The following ANGPTL5 variants were observed in gnomAD, a reference collection of about 807,000 sequenced individuals.
ANGPTL5 encodes the protein angiopoietin-related protein 5.
A neutral mutation model predicts 39.4 loss-of-function variants in ANGPTL5; 34 were observed. The ratio of observed to expected loss-of-function variants is 0.86; its 90% CI spans 0.66 to 1.15. ANGPTL5 has a LOEUF of 1.15. ANGPTL5 is among the 50% of genes most tolerant of loss of function. The pLI is 0.00. For synonymous variants in ANGPTL5, 146 were observed against 152.1 expected, an observed-to-expected ratio of 0.96 and a Z score of 0.29; for missense variants, 467 against 457.5, an observed-to-expected ratio of 1.02 and a Z score of -0.19.
rs1939689070 is a variant in ANGPTL5, at chr11:101,891,347, T to G, written c.1099A>C (p.Asn367His). The G allele has an allele frequency of 6.2e-7, 1 of 1,613,954 alleles. No homozygotes were observed. Among genetic ancestry groups the G allele is most frequent in the Non-Finnish European group, 8.5e-7 (1 of 1,179,984 alleles). The change falls in exon 9 of 9, where the codon AAC (asparagine) becomes CAC (histidine). Residue 367 changes from asparagine (N) to histidine (H), a missense_variant. Transcript: ENST00000334289. ...GIQWGTWTKN[N>H]SPVKIKSVSM... ...ACAGATTTAATCTTGACAGGTGAGT[T>G]GTTTTTGGTCCACGTGCCCCATTGA... is the stretch of plus-strand genomic sequence containing the variant.
rs866657037 is a variant in ANGPTL5, at chr11:101,916,146, C to T, written c.-220G>A. The T allele has an allele frequency of 1.3e-5, 2 of 152,124 alleles. No individual in the cohort carries two copies. The highest frequency in any genetic ancestry group is 4.8e-5 in the African/African-American group (2 of 41,406). 9.4% of individuals were successfully genotyped at this position (152,124 alleles called of 1,614,324 possible). A position where few individuals can be genotyped will look rare whatever the true frequency, so the allele number is the denominator to read the frequency against. Reference sequence around the variant, plus strand: ...TGATTAGGATTTAACCTTTGTATTCCCAAAGGACTTGGTTGGCAATGATGG... The same window carrying T: ...TGATTAGGATTTAACCTTTGTATTCTCAAAGGACTTGGTTGGCAATGATGG... On this transcript the variant is annotated 5_prime_UTR_variant, in exon 1 of 9. Coordinates refer to ENST00000334289, the MANE Select transcript of ANGPTL5 (RefSeq NM_178127.5).
chr11:101,892,673 A>G (rs1473983482), intron 8 of ANGPTL5, among the ~76,000 whole-genome samples: 2 of 152,222 alleles, frequency 1.3e-5, no homozygotes, highest in Non-Finnish European at 2.9e-5. Flanking sequence ...TAAAGATTCT[A>G]AGTAAACCCA....
At chr11:101,904,002 T>C (rs1435185295) in intron 5 of ANGPTL5, among the ~76,000 whole-genome samples, 1 of 152,110 alleles carries the variant, frequency 6.6e-6, no homozygotes, top group African/African-American at 2.4e-5. Context: ...AGTTTACTGA[T>C]GAGAAAACAT....
At chr11:101,902,533 A>C in intron 6 of ANGPTL5, 88 bp downstream of exon 6, 1 of 1,061,858 alleles carries the variant, frequency 9.4e-7, no homozygotes. Context: ...TTAAATATTA[A>C]AACAATTTAA....
At chr11:101,906,662 C>T (rs1940002025) in intron 3 of ANGPTL5, among the ~76,000 whole-genome samples, 1 of 152,102 alleles carries the variant, frequency 6.6e-6, no homozygotes, top group Non-Finnish European at 1.5e-5. Context: ...AGGGCCCACA[C>T]ACTATTACGT....
chr11:101,914,515 AAGG>A (rs1411730210), intron 1 of ANGPTL5, among the ~76,000 whole-genome samples: 2 of 152,214 alleles, frequency 1.3e-5, no homozygotes, highest in Non-Finnish European at 2.9e-5. Flanking sequence ...GGGCAAAGGC[AAGG>A]AAGACGACTG....
chr11:101,902,508 T>A (rs1939922059), intron 6 of ANGPTL5, 113 bp downstream of exon 6: 9 of 945,874 alleles, frequency 9.5e-6, no homozygotes, highest in Non-Finnish European at 1.4e-5. Context: ...TTATTTAAAA[T>A]TTTTTGAGGA....
intron 2 of ANGPTL5, 134 bp downstream of exon 2, chr11:101,907,680 C>T (rs1283585035): frequency 1.7e-5 from 11 of 661,080 alleles, no homozygotes; most frequent in Admixed American, 5.7e-5. Flanking sequence ...CAATTTTCAA[C>T]ATTTCTAAAT....
intron 8 of ANGPTL5, among the ~76,000 whole-genome samples, chr11:101,893,083 G>A (rs1247485638): frequency 3.9e-5 from 6 of 152,104 alleles, no homozygotes; most frequent in African/African-American, 9.7e-5. Flanking sequence ...GATAAAGTCC[G>A]ACCACCAGAA....
At chr11:101,913,099 T>A (rs1485490263) in intron 1 of ANGPTL5, among the ~76,000 whole-genome samples, 1 of 152,212 alleles carries the variant, frequency 6.6e-6, no homozygotes, top group Non-Finnish European at 1.5e-5. Context: ...ACTGACCCTC[T>A]GTTCCATAAG....
At chr11:101,915,184 G>A in intron 1 of ANGPTL5, 1 of 1,534,462 alleles carries the variant, frequency 6.5e-7, no homozygotes, top group South Asian at 1.2e-5. Context: ...CGGGGCCTGA[G>A]AGACGGAGTG....
At chr11:101,905,711 T>C (rs149914468) in intron 4 of ANGPTL5, 33 bp downstream of exon 4, 80 of 1,406,614 alleles carry the variant, frequency 5.7e-5, no homozygotes, top group Admixed American at 3.9e-4. Context: ...AACGTGTACA[T>C]GCAATAACAA....
chr11:101,895,549 A>G (rs543119738), intron 7 of ANGPTL5, among the ~76,000 whole-genome samples: 62 of 152,316 alleles, frequency 4.1e-4, no homozygotes, highest in African/African-American at 1.4e-3. Flanking sequence ...CTCAGTTGAA[A>G]TTATTTTTTT....
At chr11:101,915,573 C>G (rs1940191759) in intron 1 of ANGPTL5, among the ~76,000 whole-genome samples, 1 of 152,122 alleles carries the variant, frequency 6.6e-6, no homozygotes, top group Non-Finnish European at 1.5e-5. Context: ...CACCTTAGAC[C>G]TGAAATTATA....
intron 1 of ANGPTL5, among the ~76,000 whole-genome samples, chr11:101,913,662 G>A (rs1940132079): frequency 1.3e-5 from 2 of 152,216 alleles, no homozygotes; most frequent in South Asian, 4.1e-4. Flanking sequence ...AGATGCCTAG[G>A]ACTTACGAGA....
chr11:101,894,480 T>G (rs558980516), intron 8 of ANGPTL5, among the ~76,000 whole-genome samples: 1 of 152,204 alleles, frequency 6.6e-6, no homozygotes, highest in Non-Finnish European at 1.5e-5. Flanking sequence ...TCTGGGAACG[T>G]TGGGCAAGTC....
intron 6 of ANGPTL5, among the ~76,000 whole-genome samples, chr11:101,901,098 C>T (rs1262610563): frequency 1.4e-5 from 2 of 146,878 alleles, no homozygotes; most frequent in African/African-American, 2.5e-5. Flanking sequence ...AGGATGGTCT[C>T]GATCTCCTGA....
intron 7 of ANGPTL5, among the ~76,000 whole-genome samples, chr11:101,898,137 C>T (rs553109177): frequency 4.9e-4 from 75 of 152,178 alleles, no homozygotes; most frequent in African/African-American, 1.7e-3. Flanking sequence ...GCAGGAGAAT[C>T]GCTTGAACCC....
intron 5 of ANGPTL5, 21 bp downstream of exon 5, chr11:101,904,793 C>T: frequency 6.3e-7 from 1 of 1,597,384 alleles, no homozygotes; most frequent in East Asian, 2.2e-5. Context: ...CATGAAAAGG[C>T]TGAAATACCA....
Sources: allele counts gnomAD v4.1 joint callset (sites outside exome capture counted in the v4.1 genomes callset), GRCh38; gene constraint gnomAD v4.1.1; transcripts MANE v1.5; gene names NCBI Gene and HGNC (gene_info 2026-07-23, HGNC 2026-07-21).